The following SERPINB12 variants were observed in gnomAD, a reference collection of about 807,000 sequenced individuals.
The protein encoded by SERPINB12 is serpin B12.
In SERPINB12, 57 loss-of-function variants were observed where a neutral mutation model predicts 41.1. That is an observed-to-expected ratio of 1.39 (90% confidence interval 1.12 to 1.73). The LOEUF (loss-of-function observed/expected upper bound fraction) is 1.73, where lower values mean the gene tolerates loss of function less well. Among genes scored for constraint, SERPINB12 ranks in the 40% most tolerant of loss-of-function variants. The probability of loss-of-function intolerance (pLI) is 0.00; values close to 1 mark genes in which losing one functional copy is unlikely to be tolerated. For synonymous variants in SERPINB12, 180 were observed against 181.3 expected (o/e 0.99, Z 0.06); for missense variants, 536 against 501.9 (o/e 1.07, Z -0.65).
chr18:63,559,303 G>A (rs1261570526), intron 3 of SERPINB12, among the ~76,000 whole-genome samples: 1 of 151,838 alleles, frequency 6.6e-6, no homozygotes, highest in Non-Finnish European at 1.5e-5. Context: ...GAGTGTGTCA[G>A]TCTGAAATAT....
intron 5 of SERPINB12, 33 bp downstream of exon 5, chr18:63,561,235 TG>T: frequency 1.5e-6 from 2 of 1,358,506 alleles, no homozygotes; most frequent in Non-Finnish European, 2.1e-6. Context: ...GAGCTGGTAT[TG>T]GTTTCCATTT....
chr18:63,553,967 A>G (rs985274224), intron 1 of SERPINB12, among the ~76,000 whole-genome samples: 1 of 152,208 alleles, frequency 6.6e-6, no homozygotes, highest in Admixed American at 6.5e-5. Flanking sequence ...CCACCAATTA[A>G]GGCATAATGC....
chr18:63,528,251 T>G, the SERPINB12 span, among the ~76,000 whole-genome samples: 1 of 152,138 alleles, frequency 6.6e-6, no homozygotes, highest in Admixed American at 6.5e-5. Flanking sequence ...CCACAAATTA[T>G]CCTTGGTGTA....
intron 3 of SERPINB12, among the ~76,000 whole-genome samples, chr18:63,558,817 G>T (rs1416857503): frequency 6.6e-6 from 1 of 152,116 alleles, no homozygotes; most frequent in Non-Finnish European, 1.5e-5. Context: ...GTCAGCTGTG[G>T]AATTCTTACT....
chr18:63,530,059 C>T, the SERPINB12 span, among the ~76,000 whole-genome samples: 1 of 152,122 alleles, frequency 6.6e-6, no homozygotes, highest in Non-Finnish European at 1.5e-5. Context: ...TTGCTGTGGT[C>T]ACTGTCCCTG....
chr18:63,540,733 C>T (rs956293208), upstream of SERPINB12, among the ~76,000 whole-genome samples: 7 of 152,032 alleles, frequency 4.6e-5, no homozygotes, highest in Non-Finnish European at 7.4e-5. Flanking sequence ...TGTGTTAAAA[C>T]CAGATATTTT....
intron 6 of SERPINB12, 109 bp from the exon 7 acceptor site, chr18:63,565,336 T>G: frequency 9.7e-7 from 1 of 1,026,370 alleles, no homozygotes; most frequent in Non-Finnish European, 1.4e-6. Context: ...GGACTTCTCC[T>G]GCAGAACCTT....
the SERPINB12 span, among the ~76,000 whole-genome samples, chr18:63,520,321 T>C: frequency 6.6e-6 from 1 of 152,232 alleles, no homozygotes; most frequent in East Asian, 1.9e-4. Flanking sequence ...ATGATGACGA[T>C]TTCTCAGGCA....
rs1452570191 is a variant in SERPINB12 at position 63,567,356 on chromosome 18, G to A, written c.*345G>A. 2.6e-5 allele frequency among the ~76,000 whole-genome samples: 4 copies of A among 152,198 alleles called. No individual in the cohort carries two copies. Among genetic ancestry groups the A allele is most frequent in the South Asian group, 2.1e-4 (1 of 4,834 alleles). ...TTTCTAAGAGATGGCAAACTCAGAA[G>A]CCACTTTAACATGGGCAGCAAGAGA... On this transcript the variant is annotated 3_prime_UTR_variant, in exon 8 of 8. Coordinates refer to ENST00000382768, the MANE Select transcript of SERPINB12 (RefSeq NM_001307928.2).
Position 63,556,156 on chromosome 18 carries a change from T to C in SERPINB12, c.-4T>C, listed in dbSNP as rs1056958528. ...TTTGGTTTTAGATCGTTATAAGTTT[T>C]ACAATGGACTCTCTTGTTACAGCAA... On this transcript the variant is annotated 5_prime_UTR_variant, in exon 2 of 8. Transcript: ENST00000382768. The C allele has an allele frequency of 2.5e-6, 4 of 1,612,812 alleles. No homozygotes were observed. In the African/African-American group the frequency reaches 4.0e-5, roughly 16 times the overall value.
At chr18:63,563,513 G>A (rs989306448) in intron 5 of SERPINB12, among the ~76,000 whole-genome samples, 7 of 152,088 alleles carry the variant, frequency 4.6e-5, no homozygotes, top group Non-Finnish European at 8.8e-5. Flanking sequence ...TCACCCCCTC[G>A]CTTACCTCCA....
chr18:63,530,428 C>T, the SERPINB12 span, among the ~76,000 whole-genome samples: 5 of 152,130 alleles, frequency 3.3e-5, no homozygotes, highest in South Asian at 2.1e-4. Context: ...CTAGACCCAC[C>T]TTCCCCCCAA....
the SERPINB12 span, among the ~76,000 whole-genome samples, chr18:63,519,898 G>A: frequency 6.6e-6 from 1 of 152,124 alleles, no homozygotes; most frequent in East Asian, 1.9e-4. Flanking sequence ...GTGATTCTGA[G>A]GCAGTTTCCA....
upstream of SERPINB12, among the ~76,000 whole-genome samples, chr18:63,539,960 T>C (rs944658744): frequency 4.4e-4 from 67 of 152,006 alleles, no homozygotes; most frequent in African/African-American, 1.6e-3. Context: ...AGAATTGCAA[T>C]TGGGTGCTAG....
upstream of SERPINB12, among the ~76,000 whole-genome samples, chr18:63,541,804 T>C (rs976418703): frequency 1.3e-5 from 2 of 152,048 alleles, no homozygotes; most frequent in African/African-American, 4.8e-5. Flanking sequence ...ACCTTTTGTT[T>C]ATTTGCTAGG....
At chr18:63,522,306 A>G in the SERPINB12 span, among the ~76,000 whole-genome samples, 1 of 152,342 alleles carries the variant, frequency 6.6e-6, no homozygotes, top group East Asian at 1.9e-4. Context: ...TTGCAATTGT[A>G]TCCTTTTATA....
the SERPINB12 span, among the ~76,000 whole-genome samples, chr18:63,521,300 A>T: frequency 6.6e-6 from 1 of 152,160 alleles, no homozygotes; most frequent in African/African-American, 2.4e-5. Flanking sequence ...TTTGATCAAG[A>T]TTTTGCTCTG....
chr18:63,548,665 G>C (rs775891888), intron 1 of SERPINB12, among the ~76,000 whole-genome samples: 5 of 151,970 alleles, frequency 3.3e-5, no homozygotes, highest in Non-Finnish European at 5.9e-5. Flanking sequence ...AGATGAACAA[G>C]AGACAGTTAA....
the SERPINB12 span, among the ~76,000 whole-genome samples, chr18:63,527,853 A>G: frequency 6.6e-6 from 1 of 152,200 alleles, no homozygotes; most frequent in Non-Finnish European, 1.5e-5. Flanking sequence ...CTCAAATCTC[A>G]TCTTGAATTC....
Sources: allele counts gnomAD v4.1 joint callset (sites outside exome capture counted in the v4.1 genomes callset), GRCh38; gene constraint gnomAD v4.1.1; transcripts MANE v1.5; gene names NCBI Gene and HGNC (gene_info 2026-07-23, HGNC 2026-07-21).